The following GPRC5C variants were observed in gnomAD, a reference collection of about 807,000 sequenced individuals.
GPRC5C encodes G protein-coupled receptor family C group 5 member C.
Under a neutral mutation model 31.4 loss-of-function variants are expected in GPRC5C, and 22 were observed. That is an observed-to-expected ratio of 0.70 (90% CI 0.50 to 1.00). The LOEUF (loss-of-function observed/expected upper bound fraction) is 1.00, where lower values mean the gene tolerates loss of function less well. GPRC5C is among the 50% of genes least tolerant of loss of function. The pLI, the probability that GPRC5C is intolerant of heterozygous loss-of-function variation, is 0.00. For synonymous variants in GPRC5C, 249 were observed against 257.5 expected, an observed-to-expected ratio of 0.97 and a Z score of 0.32; for missense variants, 557 against 597.2, an observed-to-expected ratio of 0.93 and a Z score of 0.70.
At chr17:74,437,509 G>A (rs1427169499) in intron 1 of GPRC5C, among the ~76,000 whole-genome samples, 1 of 152,168 alleles carries the variant, frequency 6.6e-6, no homozygotes, top group Admixed American at 6.5e-5. Context: ...AAGTGGCATG[G>A]AGACTATTTG....
chr17:74,446,880 G>A lies in GPRC5C; in HGVS notation c.1178G>A (p.Arg393Gln), dbSNP rs1383995198. ...GGAGCTTACGACATCATCCTCCCAC[G>A]GGCCACCGCCAACAGCCAGGTGATG... is the stretch of plus-strand genomic sequence containing the variant. ...SEGAYDIILP[R>Q]ATANSQVMGS... Residue 393 changes from arginine to glutamine, a missense_variant, in exon 4 of 4, where the codon CGG (arginine) becomes CAG (glutamine). Transcript: ENST00000392627. 3.7e-6 allele frequency: 6 copies of A among 1,613,446 alleles called. No homozygotes were observed. In the African/African-American group the frequency reaches 5.3e-5, roughly 14 times the overall value.
chr17:74,447,463 C>T (rs1281245634), downstream of GPRC5C: 2 of 587,218 alleles, frequency 3.4e-6, no homozygotes, highest in Admixed American at 6.3e-5. Context: ...CTGACCTGGC[C>T]TCCTGGTTTC....
chr17:74,438,478 C>T (rs8079860), intron 1 of GPRC5C, among the ~76,000 whole-genome samples: 3,130 of 151,958 alleles, frequency 0.021, 54 homozygotes, highest in Admixed American at 0.034. Flanking sequence ...CCGGGCTGGT[C>T]TCGAACTCCT....
downstream of GPRC5C, chr17:74,451,442 G>A (rs1373570359): frequency 6.6e-6 from 1 of 152,242 alleles, no homozygotes; most frequent in African/African-American, 2.4e-5. Context: ...CTTAGGAGGA[G>A]AGAGGCAGCT....
intron 1 of GPRC5C, chr17:74,432,539 T>G: frequency 2.0e-6 from 2 of 992,288 alleles, no homozygotes; most frequent in Non-Finnish European, 2.4e-6. Context: ...GGCTGCTGCC[T>G]TCCCGCTCCG....
chr17:74,449,414 G>C (rs2055689239), downstream of GPRC5C: 1 of 1,181,006 alleles, frequency 8.5e-7, no homozygotes, highest in East Asian at 5.7e-5. Flanking sequence ...TCATTCCTCT[G>C]TACCCAGGCT....
chr17:74,438,206 C>CATATATATATATATAT (rs71157066), intron 1 of GPRC5C, among the ~76,000 whole-genome samples: 1 of 45,266 alleles, frequency 2.2e-5, no homozygotes, highest in Non-Finnish European at 3.8e-5. Context: ...TCTGCTAATT[C>CATATATATATATATAT]ATATATATAT....
At chr17:74,449,251 A>C (rs1474730411), downstream of GPRC5C, 4 of 699,750 alleles carry the variant, frequency 5.7e-6, no homozygotes, top group African/African-American at 7.5e-5. Context: ...CTGGGGACTG[A>C]AACACTATTT....
At chr17:74,443,797 T>C in intron 2 of GPRC5C, 21 bp from the exon 3 acceptor site, 1 of 1,562,112 alleles carries the variant, frequency 6.4e-7, no homozygotes, top group Non-Finnish European at 8.8e-7. Flanking sequence ...ATCTTCAAAC[T>C]GTTCCTGCTT....
downstream of GPRC5C, chr17:74,449,437 G>A: frequency 1.0e-6 from 1 of 959,852 alleles, no homozygotes; most frequent in Non-Finnish European, 1.5e-6. Context: ...ACCGGGCCCA[G>A]CACCTTTCCC....
At chr17:74,435,418 G>A (rs184272512) in intron 1 of GPRC5C, among the ~76,000 whole-genome samples, 67 of 152,302 alleles carry the variant, frequency 4.4e-4, no homozygotes, top group African/African-American at 1.6e-3. Flanking sequence ...ATTTCTGGGG[G>A]AACCAGAGAA....
rs1598430780 is a variant in GPRC5C, at chr17:74,440,750, A to C, written c.974A>C (p.Glu325Ala). 2 of 1,587,380 alleles carry C rather than the reference A, an allele frequency of 1.3e-6. No homozygotes were observed. Among genetic ancestry groups the C allele is most frequent in the Non-Finnish European group, 1.7e-6 (2 of 1,161,454 alleles). The change falls in exon 2 of 4, where the codon GAG becomes GCG. Residue 325 changes from glutamate (E) to alanine (A), a missense_variant. Glu to Ala is a moderately radical substitution (Grantham distance 107). Transcript: ENST00000392627. This position sits in a 1 kb window ranked among gnomAD's most constrained non-coding sequence, Gnocchi z 4.4. ...TACCCCACCCGGGGCGTGGGCTATG[A>C]GACCATCCTGAAAGAGCAGAAGGGT... is the stretch of plus-strand genomic sequence containing the variant. ...DMYPTRGVGY[E>A]TILKEQKGQS...
intron 1 of GPRC5C, 145 bp from the exon 2 acceptor site, chr17:74,439,600 T>C: frequency 1.4e-6 from 1 of 737,222 alleles, no homozygotes; most frequent in South Asian, 1.8e-5. Flanking sequence ...AGGGGTTCTA[T>C]GTTAAGAAGG....
chr17:74,443,457 G>T (rs1176289505), intron 2 of GPRC5C: 1 of 390,202 alleles, frequency 2.6e-6, no homozygotes, highest in East Asian at 6.9e-5. Flanking sequence ...TTGGAAGGCG[G>T]CCGAAGGCCC....
At chr17:74,447,482 G>A (rs542330722), downstream of GPRC5C, 4 of 390,116 alleles carry the variant, frequency 1.0e-5, no homozygotes, top group South Asian at 1.0e-4. Flanking sequence ...TCTGATGAAC[G>A]TCTCCTCCAC....
downstream of GPRC5C, among the ~76,000 whole-genome samples, chr17:74,448,549 T>C (rs975933518): frequency 6.6e-6 from 1 of 152,076 alleles, no homozygotes; most frequent in Non-Finnish European, 1.5e-5. Flanking sequence ...GGCTAACTTT[T>C]TGTATTTTTA....
chr17:74,447,205 A>C lies in GPRC5C; in HGVS notation c.*177A>C, dbSNP rs939895146. On this transcript the variant is annotated 3_prime_UTR_variant, in exon 4 of 4. Coordinates refer to ENST00000392627, the MANE Select transcript of GPRC5C (RefSeq NM_022036.4). ...GTGGGTGTCATGGGTGTCCCCACCC[A>C]CTCCTCAGTGTTTGTGGAGTCGAGG... is the stretch of plus-strand genomic sequence containing the variant. 2.9e-6 allele frequency: 4 copies of C among 1,375,694 alleles called. No homozygotes were observed. The highest frequency in any genetic ancestry group is 3.4e-5 in the South Asian group (2 of 58,842). 85.2% of individuals were successfully genotyped at this position (1,375,694 alleles called of 1,614,324 possible). A position where few individuals can be genotyped will look rare whatever the true frequency, so the allele number is the denominator to read the frequency against.
downstream of GPRC5C, chr17:74,448,759 C>T (rs2055679331): frequency 1.6e-6 from 1 of 642,570 alleles, no homozygotes; most frequent in Non-Finnish European, 2.5e-6. Flanking sequence ...ATTCAAAATC[C>T]CAGAACTGTA....
At chr17:74,441,046 G>A (rs534677535) in intron 2 of GPRC5C, among the ~76,000 whole-genome samples, 8 of 152,018 alleles carry the variant, frequency 5.3e-5, no homozygotes, top group South Asian at 4.2e-4. Flanking sequence ...AGGCCAAGGC[G>A]GGTGGATCAC....
Sources: gnomAD v4.1 joint callset for allele counts (sites outside exome capture counted in the v4.1 genomes callset) on GRCh38, gnomAD v4.1.1 for gene constraint, Gnocchi (gnomAD v3.1) non-coding constraint, MANE v1.5 for transcripts, NCBI Gene and HGNC (gene_info 2026-07-23, HGNC 2026-07-21) for gene names.